CNTN5: variants seen among roughly 807,000 people sequenced by gnomAD.
The protein encoded by CNTN5 is contactin 5.
CNTN5 carries 77 observed loss-of-function variants against 129.1 expected under a neutral mutation model. The observed-to-expected ratio is 0.60, with a 90% CI of 0.50 to 0.72. The LOEUF (loss-of-function observed/expected upper bound fraction) is 0.72. Ranked by LOEUF, CNTN5 falls within the 30% of genes least tolerant of loss-of-function variation. CNTN5 has a pLI of 0.00. For missense variants in CNTN5, 1,478 were observed against 1,328.8 expected (o/e 1.11, Z -1.75); for synonymous variants, 509 against 465.6 (o/e 1.09, Z -1.20).
intron 8 of CNTN5, among the ~76,000 whole-genome samples, chr11:99,998,755 ATAC>A (rs1939633869): frequency 6.7e-6 from 1 of 149,772 alleles, no homozygotes. Context: ...ACTTCAAAAT[ATAC>A]TACAAGGCTA....
intron 7 of CNTN5, among the ~76,000 whole-genome samples, chr11:99,938,628 G>C (rs531708444): frequency 6.6e-6 from 1 of 152,126 alleles, no homozygotes; most frequent in East Asian, 1.9e-4. Context: ...CTGATATATA[G>C]AATTGTTCTG....
At chr11:99,517,416 T>C (rs1019257607) in intron 2 of CNTN5, among the ~76,000 whole-genome samples, 3 of 152,092 alleles carry the variant, frequency 2.0e-5, no homozygotes, top group Admixed American at 6.6e-5. Context: ...CCCTTCAACA[T>C]GTCTCCATTT....
rs1949784457 is a variant in CNTN5, at chr11:99,916,144, C to G, written c.668C>G (p.Ser223Ter). Reference sequence around the variant, plus strand: ...CTGATGTGCTCTCCTCCGCCACATTCACCAGGTACAGTAGGATCTCATTCT... The same window carrying G: ...CTGATGTGCTCTCCTCCGCCACATTGACCAGGTACAGTAGGATCTCATTCT... ...VVLMCSPPPH[S>*]PEIIYSWVFN... Residue 223 changes from serine to a stop codon, truncating the protein, a stop_gained, in exon 7 of 25, where the codon TCA becomes TGA. Transcript: ENST00000524871. LOFTEE classifies it high-confidence loss of function. 1 of 1,610,130 alleles carries G rather than the reference C, an allele frequency of 6.2e-7. No individual in the cohort carries two copies. The highest frequency in any genetic ancestry group is 1.7e-5 in the Admixed American group (1 of 59,584).
At chr11:100,274,245 G>T (rs1950460654) in intron 18 of CNTN5, among the ~76,000 whole-genome samples, 1 of 152,166 alleles carries the variant, frequency 6.6e-6, no homozygotes, top group Non-Finnish European at 1.5e-5. Context: ...AGACTTAAAT[G>T]TAAGATACAA....
chr11:99,485,750 T>C lies in CNTN5; in HGVS notation c.-70-70395T>C, dbSNP rs571111997. On this transcript the variant is annotated intron_variant, in intron 2 of 24. Transcript: ENST00000524871. ...TCTGTCTTAATATTATTATGTCCAA[T>C]TTATAGTTTGGACATCTTTACAACC... 6.6e-4 allele frequency among the ~76,000 whole-genome samples: 101 copies of C among 152,168 alleles called. 4 individuals are homozygous for C. In the South Asian group the frequency reaches 0.01, roughly 16 times the overall value.
intron 13 of CNTN5, among the ~76,000 whole-genome samples, chr11:100,082,432 C>T (rs1025097357): frequency 3.3e-5 from 5 of 152,226 alleles, no homozygotes; most frequent in African/African-American, 9.6e-5. Context: ...CAAGAGCACA[C>T]TGTCACCACC....
intron 6 of CNTN5, among the ~76,000 whole-genome samples, chr11:99,888,446 C>G (rs564201456): frequency 1.2e-4 from 18 of 152,262 alleles, no homozygotes; most frequent in African/African-American, 4.3e-4. Context: ...GAAAAGAGCA[C>G]AGAGACTCAG....
At chr11:100,106,460 A>T (rs1221467612) in intron 13 of CNTN5, among the ~76,000 whole-genome samples, 2 of 151,950 alleles carry the variant, frequency 1.3e-5, no homozygotes, top group East Asian at 3.9e-4. Flanking sequence ...TTTGTAATGG[A>T]AGAAAAGGGA....
At chr11:99,695,074 T>A (rs964735969) in intron 3 of CNTN5, among the ~76,000 whole-genome samples, 2 of 152,076 alleles carry the variant, frequency 1.3e-5, no homozygotes, top group Admixed American at 6.6e-5. Flanking sequence ...GAAGTCTAAT[T>A]GTGAGGAATT....
At chr11:99,647,948 C>T (rs79340188) in intron 3 of CNTN5, among the ~76,000 whole-genome samples, 1,622 of 151,748 alleles carry the variant, frequency 0.011, 36 homozygotes, top group African/African-American at 0.036. Context: ...TTAGGTTTTT[C>T]TATATATAAG....
intron 6 of CNTN5, among the ~76,000 whole-genome samples, chr11:99,864,809 T>G (rs1218749965): frequency 6.6e-6 from 1 of 152,042 alleles, no homozygotes; most frequent in East Asian, 1.9e-4. Flanking sequence ...GTGTTTATAA[T>G]CACTCACATA....
intron 2 of CNTN5, among the ~76,000 whole-genome samples, chr11:99,550,118 A>G (rs1236856237): frequency 6.6e-6 from 1 of 152,164 alleles, no homozygotes; most frequent in Non-Finnish European, 1.5e-5. Flanking sequence ...AAATCATGTT[A>G]AAAAGAATGC....
intron 1 of CNTN5, among the ~76,000 whole-genome samples, chr11:99,169,370 ATATGTGTG>A (rs1267693432): frequency 1.6e-5 from 2 of 128,482 alleles, no homozygotes; most frequent in African/African-American, 3.0e-5. Context: ...GCAATAAGCT[ATATGTGTG>A]TGTGTGTGTG....
chr11:99,908,255 A>G (rs148029922), intron 6 of CNTN5, among the ~76,000 whole-genome samples: 127 of 152,160 alleles, frequency 8.3e-4, no homozygotes, highest in African/African-American at 3.1e-3. Flanking sequence ...AAGTAATTAT[A>G]TAAGGAAATA....
chr11:100,054,848 C>T (rs1237749934), intron 9 of CNTN5, among the ~76,000 whole-genome samples: 1 of 151,570 alleles, frequency 6.6e-6, no homozygotes, highest in Admixed American at 6.6e-5. Context: ...GGTGAGGTAA[C>T]AATTTTGTAC....
intron 21 of CNTN5, chr11:100,337,712 G>A (rs1176380081): frequency 2.0e-6 from 1 of 497,108 alleles, no homozygotes; most frequent in African/African-American, 2.0e-5. Flanking sequence ...GTTTAGCCAG[G>A]TGGCTTCTAG....
intron 3 of CNTN5, among the ~76,000 whole-genome samples, chr11:99,773,155 A>G (rs1217513627): frequency 6.6e-6 from 1 of 152,094 alleles, no homozygotes; most frequent in Non-Finnish European, 1.5e-5. Flanking sequence ...GGAAACCACT[A>G]CATAAGTCAA....
At chr11:100,135,180 T>G (rs1485261865) in intron 13 of CNTN5, among the ~76,000 whole-genome samples, 2 of 150,164 alleles carry the variant, frequency 1.3e-5, no homozygotes, top group African/African-American at 4.9e-5. Flanking sequence ...AAAAGTGTTT[T>G]TTTTTTTTTT....
intron 2 of CNTN5, among the ~76,000 whole-genome samples, chr11:99,380,834 A>C (rs2136158433): frequency 6.6e-6 from 1 of 152,004 alleles, no homozygotes; most frequent in Non-Finnish European, 1.5e-5. Context: ...CTGTTTTTGA[A>C]TACCACCTGA....
Sources: gnomAD v4.1 joint callset for allele counts (sites outside exome capture counted in the v4.1 genomes callset) on GRCh38, gnomAD v4.1.1 for gene constraint, MANE v1.5 for transcripts, NCBI Gene and HGNC (gene_info 2026-07-23, HGNC 2026-07-21) for gene names.